Variants in MID1 observed in about 807,000 individuals in gnomAD.
MID1 encodes the protein E3 ubiquitin-protein ligase Midline-1.
In MID1, 7 loss-of-function variants were observed where a neutral mutation model predicts 40.4. The ratio of observed to expected loss-of-function variants is 0.17; its 90% CI spans 0.10 to 0.33. MID1 has a LOEUF of 0.33. MID1 is among the 10% of genes least tolerant of loss of function. The pLI is 1.00. For synonymous variants in MID1, 229 were observed against 221.2 expected, an observed-to-expected ratio of 1.04 and a Z score of -0.31; for missense variants, 367 against 558.5, an observed-to-expected ratio of 0.66 and a Z score of 3.46.
Position 10,547,650 on chromosome X carries a change from GAAAAGAAAAGAAA to G in MID1, c.660+19225_660+19237del, listed in dbSNP as rs985245056. On this transcript the variant is annotated intron_variant, in intron 2 of 9. Coordinates refer to ENST00000317552, the MANE Select transcript of MID1 (RefSeq NM_000381.4). ...AGAGAAAGAAAGAAGGAAGGAAAGA[GAAAAGAAAAGAAA>G]AAAAGAAAAGAAAAAAGAAAAGAAA... Among the ~76,000 whole-genome samples the G allele has an allele frequency of 2.0e-4, 17 of 84,432 alleles. No homozygotes were observed. In the South Asian group the frequency reaches 5.8e-3, roughly 29 times the overall value. The allele number at this position is 84,432 out of a possible 115,157, so 73.3% of individuals were successfully genotyped here.
intron 1 of MID1, among the ~76,000 whole-genome samples, chrX:10,772,023 T>C (rs1194780796): frequency 9.0e-6 from 1 of 110,880 alleles, no homozygotes; most frequent in Non-Finnish European, 1.9e-5. Flanking sequence ...GAAGTCATTA[T>C]ACGAAAAAGA....
intron 1 of MID1, among the ~76,000 whole-genome samples, chrX:10,761,311 G>T (rs1171607875): frequency 8.9e-6 from 1 of 111,881 alleles, no homozygotes; most frequent in East Asian, 2.8e-4. Context: ...TGAAGAATAT[G>T]CTGCTTTCCT....
At chrX:10,554,631 C>T (rs1934050613) in intron 2 of MID1, among the ~76,000 whole-genome samples, 1 of 112,004 alleles carries the variant, frequency 8.9e-6, no homozygotes, top group Non-Finnish European at 1.9e-5. Context: ...AAGCTGGACA[C>T]TATAAATAAG....
chrX:10,478,920 G>C (rs895047958), intron 5 of MID1, among the ~76,000 whole-genome samples: 6 of 111,927 alleles, frequency 5.4e-5, no homozygotes, highest in African/African-American at 2.0e-4. Context: ...CAAAGCCCAA[G>C]GCAGGCACAA....
At chrX:10,777,684 GCA>G (rs2043815390) in intron 1 of MID1, among the ~76,000 whole-genome samples, 1 of 109,806 alleles carries the variant, frequency 9.1e-6, no homozygotes, top group Admixed American at 9.7e-5. Context: ...GGGATTACAG[GCA>G]TGTGCCACCA....
chrX:10,551,191 A>G (rs1933896081), intron 2 of MID1, among the ~76,000 whole-genome samples: 2 of 112,606 alleles, frequency 1.8e-5, no homozygotes, highest in Non-Finnish European at 3.7e-5. Context: ...TTAAAAGTCT[A>G]TACATGTTCA....
In MID1 at chrX:10,785,422, C is replaced by T. The variant is rs2043875540; in HGVS notation, c.-187+48132G>A. ...TAATTTATAGATTCAATGCCATCCC[C>T]ATCAAGCTACCAATGACTTTCTTCA... is the stretch of plus-strand genomic sequence containing the variant. On this transcript the variant is annotated intron_variant, in intron 1 of 10. Transcript: ENST00000380785. Among the ~76,000 whole-genome samples, 5 of 111,270 alleles carry T rather than the reference C, an allele frequency of 4.5e-5. No individual in the cohort carries two copies. In the Admixed American group the frequency reaches 4.8e-4, roughly 11 times the overall value.
chrX:10,591,121 G>T (rs1166091959), intron 1 of MID1, among the ~76,000 whole-genome samples: 6 of 111,666 alleles, frequency 5.4e-5, no homozygotes, highest in Non-Finnish European at 1.1e-4. Context: ...AAAAAATCTA[G>T]CTTTAAGAAC....
At chrX:10,817,262 C>T (rs1316686078) in intron 1 of MID1, among the ~76,000 whole-genome samples, 1 of 112,289 alleles carries the variant, frequency 8.9e-6, no homozygotes, top group African/African-American at 3.2e-5. Flanking sequence ...ATGGGAAATG[C>T]TAAGTGTTTT....
intron 1 of MID1, among the ~76,000 whole-genome samples, chrX:10,774,376 C>T (rs1418233378): frequency 9.1e-6 from 1 of 110,223 alleles, no homozygotes; most frequent in East Asian, 2.9e-4. Context: ...ATCTTCCAGT[C>T]CTGCAGGTAC....
intron 3 of MID1, among the ~76,000 whole-genome samples, chrX:10,521,379 C>A: frequency 1.8e-5 from 2 of 111,216 alleles, no homozygotes; most frequent in Middle Eastern, 4.6e-3. Flanking sequence ...AGCGATGACT[C>A]TGGTCCAGGG....
rs138368195 is a variant in MID1, at chrX:10,483,060, A to G, written c.865-432T>C. On this transcript the variant is annotated intron_variant, in intron 4 of 9. Transcript: ENST00000317552. ...AGGTGGTGAATCTATGGTTTAAATGAAAACCATTTTCTAAAAAGTGTTTTT... is the reference window on the plus strand; with the variant it reads ...AGGTGGTGAATCTATGGTTTAAATGGAAACCATTTTCTAAAAAGTGTTTTT... Among the ~76,000 whole-genome samples the G allele has an allele frequency of 5.3e-5, 6 of 112,618 alleles. No homozygotes were observed. In the East Asian group the frequency reaches 1.7e-3, roughly 32 times the overall value.
chrX:10,469,755 G>A lies in MID1; in HGVS notation c.1227C>T (p.Phe409=). Residue 409 remains phenylalanine (F), a synonymous_variant, in exon 7 of 10, where the codon TTC becomes TTT. Coordinates refer to ENST00000317552, the MANE Select transcript of MID1 (RefSeq NM_000381.4). The part of the protein sequence containing the change: ...ITVHWTSDDE[F]SVVSYELQYT... ...ACTGGAGCTCGTAGGAGACCACGCT[G>A]AACTCATCATCGGAGGTCCAATGCA... 8.3e-7 allele frequency: 1 copy of A among 1,210,637 alleles called. No individual in the cohort carries two copies.
chrX:10,641,219 A>G (rs1315569030), intron 1 of MID1, among the ~76,000 whole-genome samples: 1 of 112,086 alleles, frequency 8.9e-6, no homozygotes, highest in Non-Finnish European at 1.9e-5. Flanking sequence ...CAAAAAATCA[A>G]TGAATCCAGG....
chrX:10,708,472 A>AGGGCAAAAAGAAAAGGGGAAATGAGG, intron 1 of MID1, among the ~76,000 whole-genome samples: 1 of 111,071 alleles, frequency 9.0e-6, no homozygotes, highest in Non-Finnish European at 1.9e-5. Context: ...GATGGTTACC[A>AGGGCAAAAAGAAAAGGGGAAATGAGG]GGGCAAAAAG....
In MID1 at chrX:10,523,190, GT is replaced by G; in HGVS notation, c.661-4del. On this transcript the variant is annotated splice_region_variant and splice_polypyrimidine_tract_variant and intron_variant, in intron 2 of 9. Coordinates refer to ENST00000317552, the MANE Select transcript of MID1 (RefSeq NM_000381.4). Reference sequence around the variant, plus strand: ...GTGAGGTTACTCTCTAAGTTTTGCTGTTCAAAAAAAAAAAAAAAAGAGGAAA... The same window carrying G: ...GTGAGGTTACTCTCTAAGTTTTGCTGTCAAAAAAAAAAAAAAAAGAGGAAA... 8.8e-6 allele frequency: 8 copies of G among 904,861 alleles called. No homozygotes were observed. The Admixed American group carries it at 2.2e-4, about 24-fold the overall frequency. 74.6% of individuals were successfully genotyped at this position (904,861 alleles called of 1,213,427 possible).
Position 10,495,811 on chromosome X carries a change from CTT to C in MID1, c.757-122_757-121del, listed in dbSNP as rs1423960340. On this transcript the variant is annotated intron_variant, in intron 3 of 9. Coordinates refer to ENST00000317552, the MANE Select transcript of MID1 (RefSeq NM_000381.4). Reference sequence around the variant, plus strand: ...TGAAAAGATATTTTAAATGTTAACTCTTTGTCCGATTACGCAAGGATTGCAAA... The same window carrying C: ...TGAAAAGATATTTTAAATGTTAACTCTGTCCGATTACGCAAGGATTGCAAA... The C allele has an allele frequency of 5.4e-6, 3 of 551,616 alleles. No individual in the cohort carries two copies. In the Admixed American group the frequency reaches 7.9e-5, roughly 15 times the overall value. 45.5% of individuals were successfully genotyped at this position (551,616 alleles called of 1,213,427 possible).
intron 2 of MID1, among the ~76,000 whole-genome samples, chrX:10,550,686 G>A (rs1028361769): frequency 1.1e-4 from 12 of 111,729 alleles, no homozygotes; most frequent in African/African-American, 2.6e-4. Flanking sequence ...GCTTTGCTTC[G>A]ACTCAGGGTA....
chrX:10,554,756 A>G (rs1211912803), intron 2 of MID1, among the ~76,000 whole-genome samples: 3 of 111,040 alleles, frequency 2.7e-5, no homozygotes, highest in African/African-American at 9.8e-5. Flanking sequence ...CATGTCTCCT[A>G]GATCTTTCAG....
Sources: allele counts gnomAD v4.1 joint callset (sites outside exome capture counted in the v4.1 genomes callset), GRCh38; gene constraint gnomAD v4.1.1; transcripts MANE v1.5; gene names NCBI Gene and HGNC (gene_info 2026-07-23, HGNC 2026-07-21).